WNT9A: variants seen among roughly 807,000 people sequenced by gnomAD.
WNT9A encodes the protein protein Wnt-9a.
Under a neutral mutation model 31.4 loss-of-function variants are expected in WNT9A, and 8 were observed. That is an observed-to-expected ratio of 0.26 (90% CI 0.15 to 0.46). WNT9A has a LOEUF of 0.46. Among genes scored for constraint, WNT9A ranks in the 20% least tolerant of loss-of-function variants. WNT9A has a pLI of 0.99. For synonymous variants in WNT9A, 236 were observed against 220.1 expected, an observed-to-expected ratio of 1.07 and a Z score of -0.64; for missense variants, 457 against 522.9, an observed-to-expected ratio of 0.87 and a Z score of 1.23.
At position 227,921,920 on chromosome 1, in the gene WNT9A, C is replaced by T. The variant is rs769032778; in HGVS notation, c.696G>A (p.Gln232=). The T allele has an allele frequency of 3.3e-5, 54 of 1,613,054 alleles. No individual in the cohort carries two copies. The highest frequency in any genetic ancestry group is 4.4e-5 in the Non-Finnish European group (52 of 1,179,956). ...TGCCCACCTCATGGAAAGGCGCCAA[C>T]TGCCGCCAGCAGGTCCGCACCGTGC... ...GSCTVRTCWR[Q]LAPFHEVGKH... is the part of the protein sequence containing the mutation. Residue 232 remains glutamine (Q), a synonymous_variant, in exon 4 of 4, where the codon CAG becomes CAA. Coordinates refer to ENST00000272164, the MANE Select transcript of WNT9A (RefSeq NM_003395.4).
At chr1:227,939,127 C>A (rs1015638638) in intron 1 of WNT9A, among the ~76,000 whole-genome samples, 5 of 152,252 alleles carry the variant, frequency 3.3e-5, no homozygotes, top group African/African-American at 1.2e-4. Flanking sequence ...AGAAGGAAGA[C>A]GTCTCAACAC....
At chr1:227,923,766 C>T (rs1414910438) in intron 3 of WNT9A, among the ~76,000 whole-genome samples, 1 of 152,132 alleles carries the variant, frequency 6.6e-6, no homozygotes, top group East Asian at 1.9e-4. Context: ...GACAAGCCTG[C>T]CAGCTGGCTG....
At chr1:227,939,275 C>A (rs1666653286) in intron 1 of WNT9A, among the ~76,000 whole-genome samples, 1 of 152,212 alleles carries the variant, frequency 6.6e-6, no homozygotes, top group Non-Finnish European at 1.5e-5. Context: ...CCTCCTTGAG[C>A]CCTGGAAGCT....
At chr1:227,927,453 G>A (rs1288356509) in intron 1 of WNT9A, among the ~76,000 whole-genome samples, 1 of 152,204 alleles carries the variant, frequency 6.6e-6, no homozygotes. Flanking sequence ...GGTGAGGGAA[G>A]GAAGGGCAGT....
chr1:227,924,148 A>C lies in WNT9A; in HGVS notation c.605T>G (p.Val202Gly). 3.4e-6 allele frequency: 4 copies of C among 1,176,534 alleles called. No homozygotes were observed. The South Asian group carries it at 4.0e-5, about 12-fold the overall frequency. The allele number at this position is 1,176,534 out of a possible 1,614,324, so 72.9% of individuals were successfully genotyped here. A position where few individuals can be genotyped will look rare whatever the true frequency, so the allele number is the denominator to read the frequency against. ...RARVDFHNNLVGVKVIKAGVE... is the reference protein window; with the variant it reads ...RARVDFHNNLGGVKVIKAGVE... ...CCCCACCCCACTTGCCTTCACACCC[A>C]CGAGGTTGTTGTGGAAGTCCACACG... Residue 202 changes from valine to glycine, a missense_variant, in exon 3 of 4, where the codon GTG becomes GGG. Physicochemically the swap from Val to Gly is moderately radical, Grantham distance 109. Coordinates refer to ENST00000272164, the MANE Select transcript of WNT9A (RefSeq NM_003395.4).
At chr1:227,944,063 A>G (rs1322661617) in intron 1 of WNT9A, among the ~76,000 whole-genome samples, 1 of 152,184 alleles carries the variant, frequency 6.6e-6, no homozygotes, top group Non-Finnish European at 1.5e-5. Flanking sequence ...ACACACACAC[A>G]CACACAAAAC....
rs1455357619 is a variant in WNT9A at position 227,928,356 on chromosome 1, T to C, written c.96-2837A>G. ...AGGCAGGGTGGGCAGGGTGGGCCGT[T>C]GGCACTGTCAGAAGGGTGTGGAGGG... On this transcript the variant is annotated intron_variant, in intron 1 of 3. Coordinates refer to ENST00000272164, the MANE Select transcript of WNT9A (RefSeq NM_003395.4). The surrounding 1 kb of genome is among the most constrained non-coding windows in gnomAD (Gnocchi z 4.5). Among the ~76,000 whole-genome samples, 1 of 151,840 alleles carries C rather than the reference T, an allele frequency of 6.6e-6. No homozygotes were observed. Among genetic ancestry groups the C allele is most frequent in the Non-Finnish European group, 1.5e-5 (1 of 67,944 alleles).
chr1:227,934,874 T>C (rs1666564236), intron 1 of WNT9A, among the ~76,000 whole-genome samples: 1 of 149,558 alleles, frequency 6.7e-6, no homozygotes, highest in Non-Finnish European at 1.5e-5. Context: ...CTGATCATAG[T>C]GGGGGCTGTG....
chr1:227,944,695 T>C (rs1666767761), intron 1 of WNT9A, among the ~76,000 whole-genome samples: 1 of 152,212 alleles, frequency 6.6e-6, no homozygotes, highest in African/African-American at 2.4e-5. Flanking sequence ...AGTGCCAGCC[T>C]TGGTTATGCC....
At position 227,919,220 on chromosome 1, in the gene WNT9A, G is replaced by A. The variant is rs12725747; in HGVS notation, c.*2298C>T. ...GACAGTCTTGTCATGTCATGAGGGTGTGGCCAGCTATGCTGCTCAGGGACC... is the reference window on the plus strand; with the variant it reads ...GACAGTCTTGTCATGTCATGAGGGTATGGCCAGCTATGCTGCTCAGGGACC... On this transcript the variant is annotated 3_prime_UTR_variant, in exon 4 of 4. Transcript: ENST00000272164. 0.1 allele frequency: 15,372 copies of A among 152,240 alleles called. 866 individuals are homozygous for A. The highest frequency in any genetic ancestry group is 0.15 in the South Asian group (710 of 4,826). 9.4% of individuals were successfully genotyped at this position (152,240 alleles called of 1,614,324 possible). A position where few individuals can be genotyped will look rare whatever the true frequency, so the allele number is the denominator to read the frequency against.
At chr1:227,927,983 GC>G (rs1391543021) in intron 1 of WNT9A, among the ~76,000 whole-genome samples, 1 of 151,744 alleles carries the variant, frequency 6.6e-6, no homozygotes, top group African/African-American at 2.4e-5. Context: ...AGGGAAGAGG[GC>G]AGGGGAGGAG....
chr1:227,945,340 A>G (rs1666777769), intron 1 of WNT9A, among the ~76,000 whole-genome samples: 1 of 152,070 alleles, frequency 6.6e-6, no homozygotes, highest in African/African-American at 2.4e-5. Flanking sequence ...CCAGATGGAG[A>G]TGCCACCTGC....
intron 3 of WNT9A, among the ~76,000 whole-genome samples, chr1:227,923,782 T>G (rs1000339230): frequency 7.2e-5 from 11 of 152,040 alleles, no homozygotes; most frequent in African/African-American, 2.7e-4. Context: ...GGCTGACAGG[T>G]GGGGCCCACA....
chr1:227,930,085 G>A (rs1196454979), intron 1 of WNT9A, among the ~76,000 whole-genome samples: 6 of 152,328 alleles, frequency 3.9e-5, no homozygotes, highest in Admixed American at 6.5e-5. Context: ...TAGCCTGCAC[G>A]TGCATTGTAC....
In WNT9A at chr1:227,925,038, C is replaced by G. The variant is rs981043068; in HGVS notation, c.352+225G>C. On this transcript the variant is annotated intron_variant, in intron 2 of 3. Transcript: ENST00000272164. This position sits in a 1 kb window ranked among gnomAD's most constrained non-coding sequence, Gnocchi z 6.0. Reference sequence around the variant, plus strand: ...CCGTCAAAGGCCGAGTCAGCATGCCCTGGCCACCAGCAACGACTGTGCGTG... The same window carrying G: ...CCGTCAAAGGCCGAGTCAGCATGCCGTGGCCACCAGCAACGACTGTGCGTG... Among the ~76,000 whole-genome samples, 7 of 152,226 alleles carry G rather than the reference C, an allele frequency of 4.6e-5. No individual in the cohort carries two copies. The highest frequency in any genetic ancestry group is 1.7e-4 in the African/African-American group (7 of 41,468).
Position 227,925,307 on chromosome 1 carries a change from T to C in WNT9A, c.308A>G (p.Asn103Ser). Residue 103 changes from asparagine to serine, a missense_variant, in exon 2 of 4, where the codon AAC (asparagine) becomes AGC (serine). By Grantham distance (46) the Asn-to-Ser change is conservative. Coordinates refer to ENST00000272164, the MANE Select transcript of WNT9A (RefSeq NM_003395.4). This position sits in a 1 kb window ranked among gnomAD's most constrained non-coding sequence, Gnocchi z 6.0. ...CQFQFRFERWNCTLEGRYRAS... is the reference protein window; with the variant it reads ...CQFQFRFERWSCTLEGRYRAS... ...CCGGTAGCGGCCCTCCAGCGTGCAG[T>C]TCCAGCGCTCAAAGCGGAACTGGAA... The C allele has an allele frequency of 6.3e-7, 1 of 1,593,244 alleles. No homozygotes were observed. The highest frequency in any genetic ancestry group is 1.1e-5 in the South Asian group (1 of 87,668).
intron 1 of WNT9A, among the ~76,000 whole-genome samples, chr1:227,927,871 G>C (rs1343221082): frequency 6.6e-6 from 1 of 152,098 alleles, no homozygotes; most frequent in Non-Finnish European, 1.5e-5. Flanking sequence ...GTGTGGACAG[G>C]GGACAGGGGG....
At chr1:227,943,311 G>A (rs945818257) in intron 1 of WNT9A, among the ~76,000 whole-genome samples, 2 of 152,210 alleles carry the variant, frequency 1.3e-5, no homozygotes, top group African/African-American at 4.8e-5. Context: ...GGGTAAGAGC[G>A]CCCACAGGCT....
At chr1:227,947,173 G>A (rs1666808049) in intron 1 of WNT9A, among the ~76,000 whole-genome samples, 1 of 152,176 alleles carries the variant, frequency 6.6e-6, no homozygotes, top group Admixed American at 6.5e-5. Context: ...TGACACCGCG[G>A]GACGCCCCGG....
Sources: allele counts gnomAD v4.1 joint callset (sites outside exome capture counted in the v4.1 genomes callset), GRCh38; gene constraint gnomAD v4.1.1; non-coding constraint Gnocchi (gnomAD v3.1); transcripts MANE v1.5; gene names NCBI Gene and HGNC (gene_info 2026-07-23, HGNC 2026-07-21).